Variants in KIAA1549L observed in about 807,000 individuals in gnomAD.
KIAA1549L encodes the protein KIAA1549 like.
A neutral mutation model predicts 160.7 loss-of-function variants in KIAA1549L; 88 were observed. That is an observed-to-expected ratio of 0.55 (90% CI 0.46 to 0.65). KIAA1549L has a LOEUF of 0.65. KIAA1549L is among the 30% of genes least tolerant of loss of function. The pLI, the probability that KIAA1549L is intolerant of heterozygous loss-of-function variation, is 0.00. For synonymous variants in KIAA1549L, 950 were observed against 976.7 expected (o/e 0.97, Z 0.51); for missense variants, 2,258 against 2,437.5 (o/e 0.93, Z 1.55).
rs550295568 is a variant in KIAA1549L at position 33,407,230 on chromosome 11, G to A, written c.238+30341G>A. On this transcript the variant is annotated intron_variant, in intron 1 of 20. Coordinates refer to ENST00000658780, the MANE Select transcript of KIAA1549L (RefSeq NM_012194.3). The stretch of plus-strand genomic sequence containing the variant: ...CTCCCGAGTAGCTGGGACTACAGGC[G>A]CCTGCCACCACGCCCGGCTAATTTT... Among the ~76,000 whole-genome samples the A allele has an allele frequency of 5.2e-4, 77 of 149,338 alleles. 1 individual carries two copies. The South Asian group carries it at 0.013, about 25-fold the overall frequency.
chr11:33,625,603 G>A (rs955606204), intron 16 of KIAA1549L, among the ~76,000 whole-genome samples: 2 of 152,040 alleles, frequency 1.3e-5, no homozygotes. Context: ...TTTTGATGGG[G>A]TTGTTTGTTT....
chr11:33,453,393 A>G (rs1851760480), intron 1 of KIAA1549L, among the ~76,000 whole-genome samples: 1 of 152,224 alleles, frequency 6.6e-6, no homozygotes, highest in African/African-American at 2.4e-5. Flanking sequence ...AGTTGATTAT[A>G]AGTTCAAATA....
At chr11:33,654,565 A>G (rs188944522) in intron 17 of KIAA1549L, among the ~76,000 whole-genome samples, 43 of 152,262 alleles carry the variant, frequency 2.8e-4, no homozygotes, top group Middle Eastern at 3.4e-3. Flanking sequence ...GAAGGGACCA[A>G]TGCTAGCCTC....
At chr11:33,559,448 T>A (rs1490945297) in intron 6 of KIAA1549L, among the ~76,000 whole-genome samples, 2 of 152,224 alleles carry the variant, frequency 1.3e-5, no homozygotes, top group African/African-American at 2.4e-5. Context: ...GACCTCGGGT[T>A]GGTCCCTTGA....
intron 1 of KIAA1549L, among the ~76,000 whole-genome samples, chr11:33,402,387 T>C (rs1250662497): frequency 6.6e-6 from 1 of 152,212 alleles, no homozygotes; most frequent in East Asian, 1.9e-4. Context: ...CAGCCTCTAC[T>C]CAGGCCCCTG....
At chr11:33,659,872 G>T (rs1057092375) in intron 19 of KIAA1549L, among the ~76,000 whole-genome samples, 3 of 152,192 alleles carry the variant, frequency 2.0e-5, no homozygotes, top group African/African-American at 7.2e-5. Flanking sequence ...CTTTCATTCT[G>T]ACTGCGAGGG....
At chr11:33,589,625 G>A in intron 11 of KIAA1549L, among the ~76,000 whole-genome samples, 1 of 152,080 alleles carries the variant, frequency 6.6e-6, no homozygotes, top group Non-Finnish European at 1.5e-5. Context: ...CATGGATGAA[G>A]CTGGAAACCA....
intron 16 of KIAA1549L, among the ~76,000 whole-genome samples, chr11:33,632,614 T>C (rs1851328029): frequency 6.6e-6 from 1 of 152,154 alleles, no homozygotes; most frequent in South Asian, 2.1e-4. Context: ...GATCTTGCTC[T>C]GTTGCCCAGG....
intron 1 of KIAA1549L, among the ~76,000 whole-genome samples, chr11:33,408,949 CAAAAAAAAA>C (rs763850676): frequency 1.5e-5 from 1 of 66,850 alleles, no homozygotes; most frequent in Admixed American, 2.1e-4. Context: ...GACTCCATCT[CAAAAAAAAA>C]AAAAAAAAAA....
intron 16 of KIAA1549L, among the ~76,000 whole-genome samples, chr11:33,628,899 G>A (rs1851195008): frequency 6.6e-6 from 1 of 151,820 alleles, no homozygotes; most frequent in African/African-American, 2.4e-5. Flanking sequence ...CTTACATTTT[G>A]GCATGATTTT....
chr11:33,574,014 C>T (rs1855360537), intron 9 of KIAA1549L, among the ~76,000 whole-genome samples: 1 of 152,020 alleles, frequency 6.6e-6, no homozygotes, highest in Admixed American at 6.5e-5. Flanking sequence ...TGTATATAGA[C>T]TATGACAAAT....
At chr11:33,387,413 C>A (rs769086652) in intron 1 of KIAA1549L, among the ~76,000 whole-genome samples, 4 of 152,112 alleles carry the variant, frequency 2.6e-5, no homozygotes, top group Non-Finnish European at 5.9e-5. Context: ...TCAAGCAATT[C>A]TCCTGCCTCA....
chr11:33,400,311 T>A (rs1365781185), intron 1 of KIAA1549L, among the ~76,000 whole-genome samples: 1 of 152,222 alleles, frequency 6.6e-6, no homozygotes, highest in Admixed American at 6.5e-5. Flanking sequence ...TAATTGAATA[T>A]GAAAGCTTAA....
At chr11:33,631,819 A>C (rs142711342) in intron 16 of KIAA1549L, among the ~76,000 whole-genome samples, 28 of 152,314 alleles carry the variant, frequency 1.8e-4, no homozygotes, top group African/African-American at 6.7e-4. Context: ...CCTCGAGGAC[A>C]GGAGTCATGT....
At chr11:33,547,359 G>A (rs968257119) in intron 3 of KIAA1549L, among the ~76,000 whole-genome samples, 5 of 152,300 alleles carry the variant, frequency 3.3e-5, no homozygotes, top group East Asian at 1.9e-4. Context: ...TCCCACTTGC[G>A]AGGTGGGGAT....
At chr11:33,531,242 G>A (rs1340083803) in intron 1 of KIAA1549L, among the ~76,000 whole-genome samples, 1 of 152,164 alleles carries the variant, frequency 6.6e-6, no homozygotes, top group Non-Finnish European at 1.5e-5. Flanking sequence ...CAGACGCCAA[G>A]GCAGGTGGAT....
chr11:33,630,791 A>C (rs1210522466), intron 16 of KIAA1549L, among the ~76,000 whole-genome samples: 1 of 152,178 alleles, frequency 6.6e-6, no homozygotes, highest in Non-Finnish European at 1.5e-5. Context: ...CTATTTGGCC[A>C]TCTTGGCTCC....
At chr11:33,625,501 A>G (rs919897412) in intron 16 of KIAA1549L, among the ~76,000 whole-genome samples, 50 of 152,242 alleles carry the variant, frequency 3.3e-4, no homozygotes, top group Non-Finnish European at 5.3e-4. Context: ...GCATTTCTCT[A>G]ATGGCCAGTG....
chr11:33,626,270 A>G (rs1741217215), intron 16 of KIAA1549L, among the ~76,000 whole-genome samples: 1 of 139,600 alleles, frequency 7.2e-6, no homozygotes, highest in Non-Finnish European at 1.5e-5. Context: ...TATGAACTTT[A>G]AAGTAGTTTT....
Sources: allele counts gnomAD v4.1 joint callset (sites outside exome capture counted in the v4.1 genomes callset), GRCh38; gene constraint gnomAD v4.1.1; transcripts MANE v1.5; gene names NCBI Gene and HGNC (gene_info 2026-07-23, HGNC 2026-07-21).